The following KCNB2 variants were observed in gnomAD, a reference collection of about 807,000 sequenced individuals.
KCNB2 encodes the protein potassium voltage-gated channel subfamily B member 2.
A neutral mutation model predicts 61.5 loss-of-function variants in KCNB2; 15 were observed. That is an observed-to-expected ratio of 0.24 (90% confidence interval 0.16 to 0.38). The LOEUF (loss-of-function observed/expected upper bound fraction) is 0.38, where lower values mean the gene tolerates loss of function less well. Ranked by LOEUF, KCNB2 falls within the 10% of genes least tolerant of loss-of-function variation. The pLI is 1.00. For synonymous variants in KCNB2, 457 were observed against 446.0 expected (o/e 1.02, Z -0.31); for missense variants, 828 against 1,125.2 (o/e 0.74, Z 3.78).
chr8:72,864,181 G>A (rs1239285724), intron 2 of KCNB2, among the ~76,000 whole-genome samples: 2 of 152,110 alleles, frequency 1.3e-5, no homozygotes, highest in Non-Finnish European at 2.9e-5. Context: ...TAGAATGACT[G>A]TGTGGTGGCC....
chr8:72,632,117 G>A lies in KCNB2; in HGVS notation c.579+63804G>A, dbSNP rs185450044. Among the ~76,000 whole-genome samples the A allele has an allele frequency of 1.8e-3, 269 of 151,952 alleles. 2 individuals are homozygous for A. Among genetic ancestry groups the A allele is most frequent in the South Asian group, 4.0e-3 (19 of 4,804 alleles). On this transcript the variant is annotated intron_variant, in intron 2 of 2. Transcript: ENST00000523207. ...TTAAATTAGCTGGATGTGATCACAT[G>A]CACCTGTATTCCCAGCTACTTGAGA...
intron 2 of KCNB2, among the ~76,000 whole-genome samples, chr8:72,761,145 C>T (rs1808372364): frequency 6.6e-6 from 1 of 152,138 alleles, no homozygotes; most frequent in South Asian, 2.1e-4. Context: ...GGAGCAAGGT[C>T]AGTCTGCAAT....
intron 2 of KCNB2, among the ~76,000 whole-genome samples, chr8:72,771,207 G>T (rs2128997179): frequency 6.6e-6 from 1 of 152,322 alleles, no homozygotes; most frequent in Middle Eastern, 3.4e-3. Context: ...AAAGGAGGAA[G>T]ATGATATGTA....
chr8:72,762,022 G>T (rs1808390571), intron 2 of KCNB2, among the ~76,000 whole-genome samples: 2 of 152,116 alleles, frequency 1.3e-5, no homozygotes, highest in African/African-American at 4.8e-5. Context: ...TTTTAAACTG[G>T]CATTACTTTT....
At chr8:72,675,907 A>G (rs1252630884) in intron 2 of KCNB2, among the ~76,000 whole-genome samples, 1 of 152,128 alleles carries the variant, frequency 6.6e-6, no homozygotes, top group Non-Finnish European at 1.5e-5. Flanking sequence ...TAAGAGCTCC[A>G]TTGTCCTTTG....
chr8:72,935,565 C>T (rs1474420953), intron 2 of KCNB2, among the ~76,000 whole-genome samples: 1 of 152,156 alleles, frequency 6.6e-6, no homozygotes, highest in Non-Finnish European at 1.5e-5. Flanking sequence ...GCATGTAAGA[C>T]AATTCCTTTA....
intron 2 of KCNB2, among the ~76,000 whole-genome samples, chr8:72,934,141 G>A (rs1004353898): frequency 1.3e-5 from 2 of 152,070 alleles, no homozygotes; most frequent in African/African-American, 2.4e-5. Context: ...AGCACTTTGG[G>A]AGGCCGAAGC....
At chr8:72,658,532 C>G (rs929374522) in intron 2 of KCNB2, among the ~76,000 whole-genome samples, 3 of 152,176 alleles carry the variant, frequency 2.0e-5, no homozygotes, top group Non-Finnish European at 2.9e-5. Flanking sequence ...GAAGATCTAG[C>G]TAAAATCATT....
chr8:72,752,672 T>C lies in KCNB2; in HGVS notation c.580-183263T>C, dbSNP rs527932113. On this transcript the variant is annotated intron_variant, in intron 2 of 2. Transcript: ENST00000523207. ...CTTGTAGATGGCACGTCGTGGGATT[T>C]CTCAGCCTCCATAATCACATGAGCT... Among the ~76,000 whole-genome samples, 4 of 152,330 alleles carry C rather than the reference T, an allele frequency of 2.6e-5. No individual in the cohort carries two copies. The East Asian group carries it at 7.7e-4, about 29-fold the overall frequency.
At chr8:72,925,588 A>G (rs906649234) in intron 2 of KCNB2, among the ~76,000 whole-genome samples, 2 of 152,136 alleles carry the variant, frequency 1.3e-5, no homozygotes, top group African/African-American at 2.4e-5. Context: ...CAAAACCACA[A>G]TGAGATACCA....
Position 72,937,806 on chromosome 8 carries a change from G to A in KCNB2, c.2451G>A (p.Glu817=). Residue 817 remains glutamate, a synonymous_variant, in exon 3 of 3, where the codon GAG becomes GAA. Coordinates refer to ENST00000523207, the MANE Select transcript of KCNB2 (RefSeq NM_004770.3). ...CTGGTGACGACGAAGACTTCTTAGA[G>A]CTCCCAGGGGCAAGGGAGGAGAAGC... is the stretch of plus-strand genomic sequence containing the variant. ...IDTGDDEDFL[E]LPGAREEKQV... The A allele has an allele frequency of 6.2e-7, 1 of 1,613,986 alleles. No homozygotes were observed. The highest frequency in any genetic ancestry group is 2.2e-5 in the East Asian group (1 of 44,858).
chr8:72,886,503 C>T (rs756069853), intron 2 of KCNB2, among the ~76,000 whole-genome samples: 1 of 152,196 alleles, frequency 6.6e-6, no homozygotes, highest in Non-Finnish European at 1.5e-5. Flanking sequence ...TTCTGTCTCC[C>T]CCAAGGAGTT....
intron 1 of KCNB2, among the ~76,000 whole-genome samples, chr8:72,544,067 TCTACGTGGGATAGTCAGAC>T (rs1224019668): frequency 6.6e-6 from 1 of 152,228 alleles, no homozygotes; most frequent in Non-Finnish European, 1.5e-5. Flanking sequence ...AGTATCATTT[TCTACGTGGGATAGTCAGAC>T]AGGACTTCAC....
chr8:72,826,456 T>C (rs1482085651), intron 2 of KCNB2, among the ~76,000 whole-genome samples: 1 of 152,142 alleles, frequency 6.6e-6, no homozygotes, highest in Non-Finnish European at 1.5e-5. Flanking sequence ...AAGAGAAGGC[T>C]GCGGGGGATA....
intron 2 of KCNB2, among the ~76,000 whole-genome samples, chr8:72,715,080 G>C (rs912223142): frequency 1.3e-4 from 20 of 152,166 alleles, no homozygotes; most frequent in Non-Finnish European, 2.8e-4. Flanking sequence ...TTACATAATG[G>C]TAAAGGGATC....
intron 2 of KCNB2, among the ~76,000 whole-genome samples, chr8:72,714,511 T>A (rs1459051622): frequency 6.9e-6 from 1 of 144,160 alleles, no homozygotes; most frequent in Non-Finnish European, 1.5e-5. Context: ...ATATTCAACA[T>A]TCTTAAAGAA....
chr8:72,727,215 TC>T (rs1031194401), intron 2 of KCNB2, among the ~76,000 whole-genome samples: 2 of 151,890 alleles, frequency 1.3e-5, no homozygotes, highest in African/African-American at 4.8e-5. Context: ...TTTTTATACG[TC>T]CCCCCCAGAC....
At chr8:72,657,679 G>A (rs983626971) in intron 2 of KCNB2, among the ~76,000 whole-genome samples, 5 of 152,126 alleles carry the variant, frequency 3.3e-5, no homozygotes, top group African/African-American at 1.2e-4. Flanking sequence ...AACTAAATGA[G>A]AGGAAATTCG....
chr8:72,698,232 C>T (rs953850917), intron 2 of KCNB2, among the ~76,000 whole-genome samples: 1 of 150,822 alleles, frequency 6.6e-6, no homozygotes, highest in East Asian at 1.9e-4. Context: ...CAAGCAAACT[C>T]AAGCAAAATC....
Sources: gnomAD v4.1 joint callset for allele counts (sites outside exome capture counted in the v4.1 genomes callset) on GRCh38, gnomAD v4.1.1 for gene constraint, MANE v1.5 for transcripts, NCBI Gene and HGNC (gene_info 2026-07-23, HGNC 2026-07-21) for gene names.